Variants in DCTN1 observed in about 807,000 individuals in gnomAD.
DCTN1 encodes the protein dynactin subunit 1.
DCTN1 carries 61 observed loss-of-function variants against 161.2 expected under a neutral mutation model. The ratio of observed to expected loss-of-function variants is 0.38; its 90% CI spans 0.31 to 0.47. DCTN1 has a LOEUF of 0.47. DCTN1 is among the 20% of genes least tolerant of loss of function. The probability of loss-of-function intolerance (pLI) is 0.99; values close to 1 mark genes in which losing one functional copy is unlikely to be tolerated. For synonymous variants in DCTN1, 653 were observed against 632.4 expected, an observed-to-expected ratio of 1.03 and a Z score of -0.49; for missense variants, 1,404 against 1,623.7, an observed-to-expected ratio of 0.86 and a Z score of 2.33.
chr2:74,369,462 C>T lies in DCTN1; in HGVS notation c.1422G>A (p.Leu474=), dbSNP rs149184538. The T allele has an allele frequency of 9.9e-6, 16 of 1,613,870 alleles. No homozygotes were observed. The African/African-American group carries it at 1.9e-4, about 19-fold the overall frequency. ...LEAMNEMNDE[L]QENARETELE... Reference sequence around the variant, plus strand: ...GTTCTGTCTCACGTGCATTCTCCTGCAGCTCATCGTTCATCTCATTCATCG... The same window carrying T: ...GTTCTGTCTCACGTGCATTCTCCTGTAGCTCATCGTTCATCTCATTCATCG... Residue 474 remains leucine, a synonymous_variant, in exon 14 of 32, where the codon CTG becomes CTA. Transcript: ENST00000628224. The surrounding 1 kb of genome is among the most constrained non-coding windows in gnomAD (Gnocchi z 4.9).
At chr2:74,383,438 CAAT>C (rs914356892), upstream of DCTN1, among the ~76,000 whole-genome samples, 1 of 152,132 alleles carries the variant, frequency 6.6e-6, no homozygotes, top group East Asian at 1.9e-4. Flanking sequence ...GGACTTGATC[CAAT>C]AATAACAGGA....
Position 74,363,193 on chromosome 2 carries a change from G to A in DCTN1, c.3346-16C>T. 1 of 1,614,088 alleles carries A rather than the reference G, an allele frequency of 6.2e-7. No individual in the cohort carries two copies. The highest frequency in any genetic ancestry group is 1.1e-5 in the South Asian group (1 of 91,076). ...TCTGGGCTCCCTGTGGATGAAAAAA[G>A]AAGGATAGTGGTAAGAGGTGCTAGG... is the stretch of plus-strand genomic sequence containing the variant. On this transcript the variant is annotated splice_polypyrimidine_tract_variant and intron_variant, in intron 28 of 31. Coordinates refer to ENST00000628224, the MANE Select transcript of DCTN1 (RefSeq NM_004082.5).
At chr2:74,380,690 AG>A, upstream of DCTN1, 2 of 405,508 alleles carry the variant, frequency 4.9e-6, no homozygotes, top group Non-Finnish European at 1.0e-5. Context: ...TCATGTGAGT[AG>A]GGCCTGGATT....
upstream of DCTN1, among the ~76,000 whole-genome samples, chr2:74,382,770 G>T (rs1675565923): frequency 6.6e-6 from 1 of 152,120 alleles, no homozygotes; most frequent in Admixed American, 6.5e-5. Flanking sequence ...TGAATTATGG[G>T]AATTTTAAAA....
chr2:74,363,883 A>T, intron 26 of DCTN1: 1 of 583,972 alleles, frequency 1.7e-6, no homozygotes, highest in Non-Finnish European at 3.1e-6. Context: ...TGGCAAAGAG[A>T]GTGTGCACTG....
At chr2:74,381,882 T>A (rs1288013475), upstream of DCTN1, among the ~76,000 whole-genome samples, 2 of 152,182 alleles carry the variant, frequency 1.3e-5, no homozygotes, top group Non-Finnish European at 2.9e-5. Flanking sequence ...AAATAAAAGT[T>A]AGCTAAGAAC....
At chr2:74,381,376 G>C (rs139573378), upstream of DCTN1, among the ~76,000 whole-genome samples, 3 of 152,132 alleles carry the variant, frequency 2.0e-5, no homozygotes, top group African/African-American at 4.8e-5. Context: ...ACTTTACCCC[G>C]CTCTACCCTC....
rs1441657293 is a variant in DCTN1, at chr2:74,369,767, T to C, written c.1392+198A>G. Reference sequence around the variant, plus strand: ...GGCGGAGGTTGCAGTGAGCCGAGATTATTGCGCCACTGCGCTCCAGCCTGG... The same window carrying C: ...GGCGGAGGTTGCAGTGAGCCGAGATCATTGCGCCACTGCGCTCCAGCCTGG... On this transcript the variant is annotated intron_variant, in intron 13 of 31. Coordinates refer to ENST00000628224, the MANE Select transcript of DCTN1 (RefSeq NM_004082.5). The surrounding 1 kb of genome is among the most constrained non-coding windows in gnomAD (Gnocchi z 4.9). 1.3e-4 allele frequency among the ~76,000 whole-genome samples: 19 copies of C among 148,248 alleles called. 1 individual carries two copies. Among genetic ancestry groups the C allele is most frequent in the Non-Finnish European group, 2.4e-4 (16 of 67,424 alleles).
chr2:74,377,815 A>T, intron 2 of DCTN1, 89 bp from the exon 3 acceptor site: 1 of 1,483,878 alleles, frequency 6.7e-7, no homozygotes, highest in Non-Finnish European at 9.4e-7. Context: ...CCAGGCTCCA[A>T]GCAAACCAAG....
chr2:74,367,634 G>A (rs1573155076), intron 18 of DCTN1, 62 bp downstream of exon 18: 1 of 1,609,370 alleles, frequency 6.2e-7, no homozygotes, highest in East Asian at 2.2e-5. Context: ...ATATTAGTAA[G>A]AGCCCCCATC....
At chr2:74,361,681 T>C (rs2104387316) in intron 31 of DCTN1, 45 bp from the exon 32 acceptor site, 1 of 1,613,726 alleles carries the variant, frequency 6.2e-7, no homozygotes, top group Non-Finnish European at 8.5e-7. Context: ...AGGGGCTCAC[T>C]TGAGCTGTGG....
rs773099597 is a variant in DCTN1 at position 74,367,400 on chromosome 2, A to C, written c.2205T>G (p.Leu735=). 75 of 1,614,000 alleles carry C rather than the reference A, an allele frequency of 4.6e-5. No homozygotes were observed. Among genetic ancestry groups the C allele is most frequent in the Non-Finnish European group, 6.3e-5 (74 of 1,180,034 alleles). ...TAGTACAGTCCTCAGGCTGTTCGGCAAGGTGGATGCTGTACAGATGCTGAG... is the reference window on the plus strand; with the variant it reads ...TAGTACAGTCCTCAGGCTGTTCGGCCAGGTGGATGCTGTACAGATGCTGAG... ...KYYQHLYSIH[L]AEQPEDCTMQ... The change falls in exon 19 of 32, where the codon CTT becomes CTG. Residue 735 remains leucine, a synonymous_variant. Transcript: ENST00000628224.
chr2:74,382,067 A>T (rs1201433281), upstream of DCTN1, among the ~76,000 whole-genome samples: 2 of 151,834 alleles, frequency 1.3e-5, no homozygotes, highest in Non-Finnish European at 2.9e-5. Context: ...GCTTTCTACT[A>T]CCCCTCACCA....
chr2:74,391,861 G>C (rs1158651564), exon 1 of DCTN1: 1 of 453,202 alleles, frequency 2.2e-6, no homozygotes, highest in Non-Finnish European at 4.4e-6. Flanking sequence ...ACCCTGCGGG[G>C]CCGGCCCCGC....
At chr2:74,380,861 A>G (rs560568505), upstream of DCTN1, among the ~76,000 whole-genome samples, 94 of 152,280 alleles carry the variant, frequency 6.2e-4, 1 homozygote, top group South Asian at 0.018. Context: ...TTCACCCTTT[A>G]TGGTTGTTAT....
At chr2:74,377,901 C>T (rs779512448) in intron 2 of DCTN1, 99 bp downstream of exon 2, 3 of 1,557,296 alleles carry the variant, frequency 1.9e-6, no homozygotes, top group Non-Finnish European at 2.6e-6. Context: ...CAACCAGAGG[C>T]TTATGCCCAT....
chr2:74,384,965 C>G (rs1485351621), upstream of DCTN1: 1 of 152,242 alleles, frequency 6.6e-6, no homozygotes, highest in Non-Finnish European at 1.5e-5. Flanking sequence ...GGCTGGGAGA[C>G]TGGAAGCTTG....
rs778507584 is a variant in DCTN1 at position 74,366,947 on chromosome 2, G to C, written c.2317-15C>G. 3 of 1,614,220 alleles carry C rather than the reference G, an allele frequency of 1.9e-6. No individual in the cohort carries two copies. In the Admixed American group the frequency reaches 5.0e-5, roughly 27 times the overall value. On this transcript the variant is annotated splice_polypyrimidine_tract_variant and intron_variant, in intron 20 of 31. Transcript: ENST00000628224. ...TCCTGCCCACCCTACTCAGGAAAAAGAAAATGGATGGAGAACCAAGTTAGC... is the reference window on the plus strand; with the variant it reads ...TCCTGCCCACCCTACTCAGGAAAAACAAAATGGATGGAGAACCAAGTTAGC...
intron 18 of DCTN1, 93 bp from the exon 19 acceptor site, chr2:74,367,513 C>T: frequency 2.6e-6 from 4 of 1,515,074 alleles, no homozygotes; most frequent in Non-Finnish European, 3.6e-6. Context: ...CATCATGGGT[C>T]TCTGGAGGTA....
Sources: allele counts gnomAD v4.1 joint callset (sites outside exome capture counted in the v4.1 genomes callset), GRCh38; gene constraint gnomAD v4.1.1; non-coding constraint Gnocchi (gnomAD v3.1); transcripts MANE v1.5; gene names NCBI Gene and HGNC (gene_info 2026-07-23, HGNC 2026-07-21).